Variants in ROR2 observed in about 807,000 individuals in gnomAD.
ROR2 encodes ROR family WNT receptor 2.
Under a neutral mutation model 74.9 loss-of-function variants are expected in ROR2, and 33 were observed. The ratio of observed to expected loss-of-function variants is 0.44; its 90% confidence interval spans 0.33 to 0.59. ROR2 has a LOEUF of 0.59. ROR2 is among the 20% of genes least tolerant of loss of function. ROR2 has a pLI of 0.02. For synonymous variants in ROR2, 586 were observed against 558.7 expected (o/e 1.05, Z -0.69); for missense variants, 1,216 against 1,313.8 (o/e 0.93, Z 1.15).
At chr9:91,850,471 A>G (rs1170448314) in intron 1 of ROR2, among the ~76,000 whole-genome samples, 1 of 152,158 alleles carries the variant, frequency 6.6e-6, no homozygotes, top group Admixed American at 6.5e-5. Flanking sequence ...CCACAAGAAA[A>G]GACTGTGACG....
intron 1 of ROR2, among the ~76,000 whole-genome samples, chr9:91,862,788 C>T (rs77699899): frequency 0.12 from 17,729 of 152,228 alleles, 2,258 homozygotes; most frequent in African/African-American, 0.32. Context: ...GCATCCAGAA[C>T]TGTGAGAAAT....
intron 1 of ROR2, among the ~76,000 whole-genome samples, chr9:91,939,206 C>T (rs372320227): frequency 4.6e-5 from 7 of 151,836 alleles, no homozygotes; most frequent in African/African-American, 1.2e-4. Flanking sequence ...GCCAAGATTG[C>T]GCCACTGCAC....
intron 1 of ROR2, among the ~76,000 whole-genome samples, chr9:91,787,555 T>G (rs1192918746): frequency 6.6e-6 from 1 of 152,082 alleles, no homozygotes; most frequent in Non-Finnish European, 1.5e-5. Flanking sequence ...ATTTAAAAAT[T>G]AGCAGATAAC....
chr9:91,809,853 T>A (rs1827685861), intron 1 of ROR2, among the ~76,000 whole-genome samples: 1 of 152,178 alleles, frequency 6.6e-6, no homozygotes, highest in African/African-American at 2.4e-5. Context: ...GGGAAGGGCA[T>A]CACCACAAAC....
At chr9:91,811,465 C>A (rs1051175503) in intron 1 of ROR2, among the ~76,000 whole-genome samples, 1 of 152,214 alleles carries the variant, frequency 6.6e-6, no homozygotes, top group Non-Finnish European at 1.5e-5. Context: ...TGCTGTATTT[C>A]TGGATATTTT....
At chr9:91,871,638 G>A (rs1044088510) in intron 1 of ROR2, among the ~76,000 whole-genome samples, 3 of 152,144 alleles carry the variant, frequency 2.0e-5, no homozygotes, top group South Asian at 2.1e-4. Context: ...ATCAGAGTGG[G>A]CCCTGTGATT....
At chr9:91,835,908 A>C (rs1309875283) in intron 1 of ROR2, among the ~76,000 whole-genome samples, 1 of 152,136 alleles carries the variant, frequency 6.6e-6, no homozygotes, top group Non-Finnish European at 1.5e-5. Context: ...TAATTGCTTA[A>C]TTTCTGGGCG....
chr9:91,779,640 G>C (rs1043925770), intron 1 of ROR2, among the ~76,000 whole-genome samples: 3 of 152,070 alleles, frequency 2.0e-5, no homozygotes, highest in Admixed American at 6.5e-5. Context: ...CAAAGTGCTA[G>C]GATTACAGGC....
chr9:91,794,587 C>T (rs1827109450), intron 1 of ROR2, among the ~76,000 whole-genome samples: 1 of 152,044 alleles, frequency 6.6e-6, no homozygotes, highest in Non-Finnish European at 1.5e-5. Context: ...TTCTTTTTGT[C>T]TTTCTCTTTT....
chr9:91,844,901 G>A (rs767258741), intron 1 of ROR2, among the ~76,000 whole-genome samples: 12 of 152,144 alleles, frequency 7.9e-5, no homozygotes, highest in East Asian at 1.9e-4. Context: ...AAGGGGGTGC[G>A]GGAAGGGGAA....
chr9:91,756,351 T>C (rs1341738714), intron 3 of ROR2, among the ~76,000 whole-genome samples: 1 of 152,222 alleles, frequency 6.6e-6, no homozygotes, highest in African/African-American at 2.4e-5. Flanking sequence ...TCTCTTCTCA[T>C]CTAGTCTTTA....
intron 1 of ROR2, among the ~76,000 whole-genome samples, chr9:91,837,023 A>G (rs952772046): frequency 6.6e-6 from 1 of 152,264 alleles, no homozygotes; most frequent in Non-Finnish European, 1.5e-5. Context: ...TCACAAGAAA[A>G]TAAAATAATT....
chr9:91,830,764 A>G (rs1368769877), intron 1 of ROR2, among the ~76,000 whole-genome samples: 6 of 152,028 alleles, frequency 3.9e-5, no homozygotes, highest in Non-Finnish European at 8.8e-5. Flanking sequence ...ATTTTGAAAA[A>G]AAAGTTAGTA....
rs141637916 is a variant in ROR2, at chr9:91,913,174, CAG to C, written c.97+36691_97+36692del. 9.3e-3 allele frequency among the ~76,000 whole-genome samples: 1,422 copies of C among 152,120 alleles called. 23 individuals carry two copies. The highest frequency in any genetic ancestry group is 0.03 in the African/African-American group (1,225 of 41,498). On this transcript the variant is annotated intron_variant, in intron 1 of 8. Transcript: ENST00000375708. ...AAAAAACAAAACAAAAAAAGGCCAGCAGAGAGTATACAATGGTACTCTTTTTA... is the reference window on the plus strand; with the variant it reads ...AAAAAACAAAACAAAAAAAGGCCAGCAGAGTATACAATGGTACTCTTTTTA...
chr9:91,842,318 T>A (rs937274753), intron 1 of ROR2, among the ~76,000 whole-genome samples: 10 of 152,202 alleles, frequency 6.6e-5, no homozygotes, highest in Non-Finnish European at 1.3e-4. Context: ...GCTGTCAAGA[T>A]TAGGAACAGC....
At chr9:91,829,374 C>A (rs1828388947) in intron 1 of ROR2, among the ~76,000 whole-genome samples, 1 of 151,918 alleles carries the variant, frequency 6.6e-6, no homozygotes, top group Admixed American at 6.6e-5. Flanking sequence ...GAAACCCCGT[C>A]TCTACTAAAA....
intron 1 of ROR2, among the ~76,000 whole-genome samples, chr9:91,849,982 T>G (rs1023359123): frequency 3.3e-5 from 5 of 152,218 alleles, no homozygotes; most frequent in African/African-American, 1.2e-4. Flanking sequence ...TCCAAAGCAA[T>G]AAACACTTAA....
Position 91,730,914 on chromosome 9 carries a change from C to G in ROR2, c.1179G>C (p.Ser393=). ...NVRMELCDVP[S]CSPRDSSKMG... ...AAAGAGAGAGAGAATACATACTACA[C>G]GAGGGTACGTCACACAGTTCCATGC... is the stretch of plus-strand genomic sequence containing the variant. The change falls in exon 7 of 9, where the codon TCG becomes TCC. Residue 393 remains serine, a synonymous_variant. Transcript: ENST00000375708. 6.2e-7 allele frequency: 1 copy of G among 1,614,162 alleles called. No individual in the cohort carries two copies.
intron 8 of ROR2, among the ~76,000 whole-genome samples, chr9:91,726,318 T>A (rs1474670705): frequency 6.6e-6 from 1 of 152,056 alleles, no homozygotes; most frequent in African/African-American, 2.4e-5. Flanking sequence ...AGGAGGCCCA[T>A]GGACTCTGGG....
Sources: allele counts gnomAD v4.1 joint callset (sites outside exome capture counted in the v4.1 genomes callset), GRCh38; gene constraint gnomAD v4.1.1; transcripts MANE v1.5; gene names NCBI Gene and HGNC (gene_info 2026-07-23, HGNC 2026-07-21).